CEP78: variants seen among roughly 807,000 people sequenced by gnomAD.
The protein encoded by CEP78 is centrosomal protein 78, also known as centrosomal protein of 78 kDa.
Under a neutral mutation model 81.2 loss-of-function variants are expected in CEP78, and 76 were observed. That is an observed-to-expected ratio of 0.94 (90% CI 0.78 to 1.13). CEP78 has a LOEUF of 1.13. Ranked by LOEUF, CEP78 falls within the 50% of genes most tolerant of loss-of-function variation. The pLI, the probability that CEP78 is intolerant of heterozygous loss-of-function variation, is 0.00. For missense variants in CEP78, 918 were observed against 846.8 expected (o/e 1.08, Z -1.04); for synonymous variants, 293 against 301.4 (o/e 0.97, Z 0.29).
At chr9:78,264,095 A>G in intron 12 of CEP78, 55 bp from the exon 13 acceptor site, 1 of 1,239,086 alleles carries the variant, frequency 8.1e-7, no homozygotes, top group Non-Finnish European at 1.1e-6. Context: ...CATAAAAACT[A>G]TTTTGGTGAT....
intron 11 of CEP78, among the ~76,000 whole-genome samples, chr9:78,262,202 A>ATTT (rs535753147): frequency 2.2e-5 from 3 of 137,602 alleles, no homozygotes; most frequent in African/African-American, 5.3e-5. Flanking sequence ...GGGATGTGCT[A>ATTT]TTTTTTTTTT....
chr9:78,260,835 C>T (rs1827241672), intron 11 of CEP78, among the ~76,000 whole-genome samples: 1 of 152,170 alleles, frequency 6.6e-6, no homozygotes, highest in Non-Finnish European at 1.5e-5. Context: ...ACCCCATCCT[C>T]CAGCATATAC....
intron 8 of CEP78, chr9:78,249,978 AG>A (rs1826676612): frequency 3.4e-6 from 1 of 289,870 alleles, no homozygotes; most frequent in African/African-American, 2.2e-5. Flanking sequence ...AAATTTTTGA[AG>A]GATATCACTT....
intron 6 of CEP78, among the ~76,000 whole-genome samples, 164 bp from the exon 7 acceptor site, chr9:78,248,127 G>T (rs372845820): frequency 3.3e-5 from 5 of 152,124 alleles, no homozygotes; most frequent in South Asian, 2.1e-4. Flanking sequence ...TTTTGAGGAA[G>T]AAGTTAGAAT....
chr9:78,267,821 A>G (rs1044559268), intron 16 of CEP78, among the ~76,000 whole-genome samples: 1 of 152,146 alleles, frequency 6.6e-6, no homozygotes, highest in Admixed American at 6.6e-5. Context: ...CCTCCCTGGT[A>G]AAATATGCAT....
At chr9:78,247,784 GGT>G (rs1826565293) in intron 6 of CEP78, among the ~76,000 whole-genome samples, 2 of 152,150 alleles carry the variant, frequency 1.3e-5, no homozygotes, top group African/African-American at 4.8e-5. Context: ...GGTAAAAAGT[GGT>G]TGAAACAAGG....
chr9:78,242,921 G>C (rs1370265440), intron 4 of CEP78, among the ~76,000 whole-genome samples: 1 of 152,072 alleles, frequency 6.6e-6, no homozygotes, highest in Non-Finnish European at 1.5e-5. Context: ...CTTGGGTTAG[G>C]AGAAGAAAAT....
chr9:78,249,056 A>G (rs1826635797), intron 8 of CEP78, 183 bp downstream of exon 8: 1 of 285,496 alleles, frequency 3.5e-6, no homozygotes, highest in Non-Finnish European at 6.6e-6. Context: ...TAAATGAATC[A>G]TTAGGAAAGG....
chr9:78,278,840 G>A lies in CEP78; in HGVS notation c.*7989G>A, dbSNP rs1827853148. On this transcript the variant is annotated 3_prime_UTR_variant, in exon 17 of 17. Coordinates refer to ENST00000643273, the MANE Select transcript of CEP78 (RefSeq NM_001330691.3). The stretch of plus-strand genomic sequence containing the variant: ...ATTTCCCTTTTCAGAACCCTTTTGT[G>A]ACACTGAAAACCTGAGTTTTCAAAC... 1 of 152,066 alleles carries A rather than the reference G, an allele frequency of 6.6e-6. No homozygotes were observed. Among genetic ancestry groups the A allele is most frequent in the Non-Finnish European group, 1.5e-5 (1 of 68,014 alleles). 9.4% of individuals were successfully genotyped at this position (152,066 alleles called of 1,614,324 possible). A position where few individuals can be genotyped will look rare whatever the true frequency, so the allele number is the denominator to read the frequency against.
chr9:78,277,618 C>T lies in CEP78; in HGVS notation c.*6767C>T, dbSNP rs920193992. 1.3e-5 allele frequency: 2 copies of T among 152,116 alleles called. No individual in the cohort carries two copies. Among genetic ancestry groups the T allele is most frequent in the Non-Finnish European group, 2.9e-5 (2 of 68,016 alleles). The allele number at this position is 152,116 out of a possible 1,614,324, so 9.4% of individuals were successfully genotyped here. On this transcript the variant is annotated 3_prime_UTR_variant, in exon 17 of 17. Transcript: ENST00000643273. ...GAGATAATGTGAGGAAAGGAGTATT[C>T]TCAGTCATTGTAGAAATTGATACAG...
At chr9:78,260,306 A>T (rs566503361) in intron 11 of CEP78, among the ~76,000 whole-genome samples, 18 of 151,988 alleles carry the variant, frequency 1.2e-4, no homozygotes, top group African/African-American at 4.4e-4. Flanking sequence ...AAAAGTGGTT[A>T]TTTTATCTTA....
rs543345775 is a variant in CEP78, at chr9:78,248,442, A to G, written c.957+87A>G. On this transcript the variant is annotated intron_variant, in intron 7 of 16. Transcript: ENST00000643273. Reference sequence around the variant, plus strand: ...CACTGTACTGCCCAGCCTGGCCTCAAACTTCTGAGCTCCAGTGATCTTCCC... The same window carrying G: ...CACTGTACTGCCCAGCCTGGCCTCAGACTTCTGAGCTCCAGTGATCTTCCC... The G allele has an allele frequency of 8.3e-5, 71 of 856,052 alleles. No individual in the cohort carries two copies. In the African/African-American group the frequency reaches 1.0e-3, roughly 12 times the overall value. The allele number at this position is 856,052 out of a possible 1,614,324, so 53.0% of individuals were successfully genotyped here.
intron 5 of CEP78, among the ~76,000 whole-genome samples, chr9:78,244,398 G>A (rs1241111104): frequency 6.6e-6 from 1 of 152,116 alleles, no homozygotes; most frequent in Non-Finnish European, 1.5e-5. Context: ...AAAGTGCTGG[G>A]ATTCCAGGCA....
At chr9:78,242,802 A>T (rs1826296327) in intron 4 of CEP78, among the ~76,000 whole-genome samples, 1 of 152,154 alleles carries the variant, frequency 6.6e-6, no homozygotes, top group Non-Finnish European at 1.5e-5. Flanking sequence ...GTAAGATAAT[A>T]CCTGTGGTTA....
intron 11 of CEP78, 149 bp from the exon 12 acceptor site, chr9:78,262,758 T>C (rs1827331441): frequency 2.2e-6 from 1 of 448,790 alleles, no homozygotes; most frequent in African/African-American, 2.0e-5. Flanking sequence ...TAGCATGGTA[T>C]GATATTATAC....
rs1488112507 is a variant in CEP78, at chr9:78,276,586, C to A, written c.*5735C>A. 5 of 151,264 alleles carry A rather than the reference C, an allele frequency of 3.3e-5. No individual in the cohort carries two copies. The highest frequency in any genetic ancestry group is 7.4e-5 in the Non-Finnish European group (5 of 67,864). The allele number at this position is 151,264 out of a possible 1,614,324, so 9.4% of individuals were successfully genotyped here. A position where few individuals can be genotyped will look rare whatever the true frequency, so the allele number is the denominator to read the frequency against. ...AATAAAGCTGAATAAGGAGGCTGTG[C>A]ACAACACCAACACACCGGTATGAAA... On this transcript the variant is annotated 3_prime_UTR_variant, in exon 17 of 17. Coordinates refer to ENST00000643273, the MANE Select transcript of CEP78 (RefSeq NM_001330691.3).
At chr9:78,239,769 G>A (rs993362748) in intron 1 of CEP78, among the ~76,000 whole-genome samples, 1 of 152,118 alleles carries the variant, frequency 6.6e-6, no homozygotes, top group Non-Finnish European at 1.5e-5. Context: ...CTCACCCCAT[G>A]TTGTCATTCT....
rs762724601 is a variant in CEP78, at chr9:78,246,661, ATCGAAAGC to A, written c.779-5_781del. ...ATTAGCAAGTGACCCTTTGTCTTTCATCGAAAGCTCTTGACCTGCAACAGTGCGGCCTC... is the reference window on the plus strand; with the variant it reads ...ATTAGCAAGTGACCCTTTGTCTTTCATCTTGACCTGCAACAGTGCGGCCTC... On this transcript the variant is annotated splice_acceptor_variant and splice_polypyrimidine_tract_variant and coding_sequence_variant and intron_variant, in exon 6 of 17. Transcript: ENST00000643273. LOFTEE classifies it high-confidence loss of function. 6.4e-7 allele frequency: 1 copy of A among 1,562,670 alleles called. No individual in the cohort carries two copies. Among genetic ancestry groups the A allele is most frequent in the Non-Finnish European group, 8.7e-7 (1 of 1,153,346 alleles).
intron 11 of CEP78, among the ~76,000 whole-genome samples, chr9:78,261,292 G>A (rs1215559931): frequency 6.6e-6 from 1 of 151,934 alleles, no homozygotes; most frequent in Non-Finnish European, 1.5e-5. Flanking sequence ...GCATATAATG[G>A]GCCTGCATAC....
Sources: allele counts gnomAD v4.1 joint callset (sites outside exome capture counted in the v4.1 genomes callset), GRCh38; gene constraint gnomAD v4.1.1; transcripts MANE v1.5; gene names NCBI Gene and HGNC (gene_info 2026-07-23, HGNC 2026-07-21).